Variants in OR10G7 observed in about 807,000 individuals in gnomAD.
The protein encoded by OR10G7 is olfactory receptor 10G7.
For synonymous variants in OR10G7, 165 were observed against 167.4 expected (o/e 0.99, Z 0.11); for missense variants, 338 against 382.1 (o/e 0.88, Z 0.96).
At chr11:124,039,723 G>T (rs980206143) in intron 1 of OR10G7, among the ~76,000 whole-genome samples, 1 of 152,068 alleles carries the variant, frequency 6.6e-6, no homozygotes, top group South Asian at 2.1e-4. Context: ...GAACCAGTCC[G>T]CACAGCAGGA....
Position 124,038,646 on chromosome 11 carries a change from T to C in OR10G7, c.356A>G (p.Tyr119Cys), listed in dbSNP as rs574690113. 3.8e-5 allele frequency: 62 copies of C among 1,613,826 alleles called. No individual in the cohort carries two copies. Among genetic ancestry groups the C allele is most frequent in the Middle Eastern group, 1.6e-4 (1 of 6,062 alleles). ...GTAACTGATGGCCAGGTAGCGATCA[T>C]AGGACATGACTGTGTAGAGGAAACA... ...TECFLYTVMSYDRYLAISYPL... is the reference protein window; with the variant it reads ...TECFLYTVMSCDRYLAISYPL... The change falls in exon 2 of 2, where the codon TAT becomes TGT. Residue 119 changes from tyrosine (Y) to cysteine (C), a missense_variant. Coordinates refer to ENST00000641585, the MANE Select transcript of OR10G7 (RefSeq NM_001004463.2).
Position 124,037,148 on chromosome 11 carries a change from CA to C in OR10G7, c.*917del, listed in dbSNP as rs1271923259. 6.6e-6 allele frequency: 1 copy of C among 152,122 alleles called. No individual in the cohort carries two copies. Among genetic ancestry groups the C allele is most frequent in the African/African-American group, 2.4e-5 (1 of 41,428 alleles). 9.4% of individuals were successfully genotyped at this position (152,122 alleles called of 1,614,324 possible). The stretch of plus-strand genomic sequence containing the variant: ...GAGCCTTACCTACCCAGAGAGTGTA[CA>C]GAGTCCATTTCATATACTTTAAGTC... On this transcript the variant is annotated 3_prime_UTR_variant, in exon 2 of 2. Coordinates refer to ENST00000641585, the MANE Select transcript of OR10G7 (RefSeq NM_001004463.2).
In OR10G7 at chr11:124,036,141, A is replaced by G. The variant is rs1042579842; in HGVS notation, c.*1925T>C. 1.3e-5 allele frequency: 2 copies of G among 152,184 alleles called. No individual in the cohort carries two copies. Among genetic ancestry groups the G allele is most frequent in the African/African-American group, 2.4e-5 (1 of 41,456 alleles). 9.4% of individuals were successfully genotyped at this position (152,184 alleles called of 1,614,324 possible). A position where few individuals can be genotyped will look rare whatever the true frequency, so the allele number is the denominator to read the frequency against. The stretch of plus-strand genomic sequence containing the variant: ...ATCCCAGTTGTGATATTGCACTACA[A>G]TTTTGCTAACTGTTACCATTGGGGG... On this transcript the variant is annotated 3_prime_UTR_variant, in exon 2 of 2. Transcript: ENST00000641585.
At position 124,039,837 on chromosome 11, in the gene OR10G7, A is replaced by G. The variant is rs528034441; in HGVS notation, c.-20-816T>C. ...GAGTGGGAACCCTATTGTGAACCGC[A>G]CATGCGAGGAATCTAGGTTGTGTGG... On this transcript the variant is annotated intron_variant, in intron 1 of 1. Transcript: ENST00000641585. Among the ~76,000 whole-genome samples, 97 of 152,260 alleles carry G rather than the reference A, an allele frequency of 6.4e-4. 1 individual carries two copies. The highest frequency in any genetic ancestry group is 2.0e-3 in the African/African-American group (81 of 41,498).
Position 124,037,821 on chromosome 11 carries a change from T to C in OR10G7, c.*245A>G, listed in dbSNP as rs1218342924. The C allele has an allele frequency of 3.0e-5, 8 of 266,156 alleles. No individual in the cohort carries two copies. Among genetic ancestry groups the C allele is most frequent in the Middle Eastern group, 1.2e-3 (1 of 848 alleles). 16.5% of individuals were successfully genotyped at this position (266,156 alleles called of 1,614,324 possible). A position where few individuals can be genotyped will look rare whatever the true frequency, so the allele number is the denominator to read the frequency against. ...ATAAGAAAATAAATTACTTTTCTGA[T>C]TACTTAATGGAACGTGAAAAGAATA... On this transcript the variant is annotated 3_prime_UTR_variant, in exon 2 of 2. Coordinates refer to ENST00000641585, the MANE Select transcript of OR10G7 (RefSeq NM_001004463.2).
chr11:124,038,211 C>G lies in OR10G7; in HGVS notation c.791G>C (p.Arg264Thr). 11 of 1,614,082 alleles carry G rather than the reference C, an allele frequency of 6.8e-6. No homozygotes were observed. Among genetic ancestry groups the G allele is most frequent in the Non-Finnish European group, 9.3e-6 (11 of 1,180,024 alleles). Residue 264 changes from arginine to threonine, a missense_variant, in exon 2 of 2, where the codon AGG becomes ACG. Coordinates refer to ENST00000641585, the MANE Select transcript of OR10G7 (RefSeq NM_001004463.2). ...GGCCACAACCCCATGCAAGGCGTCCCTGGAGCCTGGCCTCAGGTAAATGAA... is the reference window on the plus strand; with the variant it reads ...GGCCACAACCCCATGCAAGGCGTCCGTGGAGCCTGGCCTCAGGTAAATGAA... ...GLFIYLRPGS[R>T]DALHGVVAVF...
rs199551954 is a variant in OR10G7 at position 124,038,349 on chromosome 11, A to C, written c.653T>G (p.Val218Gly). 1 of 1,614,158 alleles carries C rather than the reference A, an allele frequency of 6.2e-7. No homozygotes were observed. Among genetic ancestry groups the C allele is most frequent in the East Asian group, 2.2e-5 (1 of 44,890 alleles). Residue 218 changes from valine (V) to glycine (G), a missense_variant, in exon 2 of 2, where the codon GTG (valine) becomes GGG (glycine). Transcript: ENST00000641585. ...GCFVLIVLSY[V>G]SIVCSILRIR... ...CCGCAGGATGGAACAGACGATGGAC[A>C]CATAGGACAGCACTATCAGGACAAA...
chr11:124,041,202 A>G lies in OR10G7; in HGVS notation c.-337T>C, dbSNP rs1216801313. 5.3e-5 allele frequency: 8 copies of G among 152,158 alleles called. No homozygotes were observed. Among genetic ancestry groups the G allele is most frequent in the Admixed American group, 5.2e-4 (8 of 15,280 alleles). 9.4% of individuals were successfully genotyped at this position (152,158 alleles called of 1,614,324 possible). A position where few individuals can be genotyped will look rare whatever the true frequency, so the allele number is the denominator to read the frequency against. ...TTATTTAGCCAAAAATCAACTTCCAAAATGAATAACTATGACACTCTGGAT... is the reference window on the plus strand; with the variant it reads ...TTATTTAGCCAAAAATCAACTTCCAGAATGAATAACTATGACACTCTGGAT... On this transcript the variant is annotated 5_prime_UTR_variant, in exon 1 of 2. Coordinates refer to ENST00000641585, the MANE Select transcript of OR10G7 (RefSeq NM_001004463.2).
At position 124,038,684 on chromosome 11, in the gene OR10G7, C is replaced by T. The variant is rs983002588; in HGVS notation, c.318G>A (p.Leu106=). The T allele has an allele frequency of 4.3e-6, 7 of 1,613,752 alleles. No individual in the cohort carries two copies. Among genetic ancestry groups the T allele is most frequent in the East Asian group, 2.2e-5 (1 of 44,860 alleles). Reference sequence around the variant, plus strand: ...TGTAGAGGAAACACTCGGTGCTCCCCAGGAAGTGGAAAAAATAGAGCTGAG... The same window carrying T: ...TGTAGAGGAAACACTCGGTGCTCCCTAGGAAGTGGAAAAAATAGAGCTGAG... ...CVAQLYFFHF[L]GSTECFLYTV... The change falls in exon 2 of 2, where the codon CTG becomes CTA. Residue 106 remains leucine, a synonymous_variant. Coordinates refer to ENST00000641585, the MANE Select transcript of OR10G7 (RefSeq NM_001004463.2).
rs1864201440 is a variant in OR10G7 at position 124,037,530 on chromosome 11, T to A, written c.*536A>T. On this transcript the variant is annotated 3_prime_UTR_variant, in exon 2 of 2. Transcript: ENST00000641585. ...CTTTCAGGCCAAAGTAAGAAAAAAATATTAAAGAGTTATATGGTTTTTATT... is the reference window on the plus strand; with the variant it reads ...CTTTCAGGCCAAAGTAAGAAAAAAAAATTAAAGAGTTATATGGTTTTTATT... The A allele has an allele frequency of 6.6e-6, 1 of 152,026 alleles. No homozygotes were observed. Among genetic ancestry groups the A allele is most frequent in the Admixed American group, 6.5e-5 (1 of 15,276 alleles). The allele number at this position is 152,026 out of a possible 1,614,324, so 9.4% of individuals were successfully genotyped here.
intron 1 of OR10G7, among the ~76,000 whole-genome samples, chr11:124,040,518 A>G (rs1393297554): frequency 6.6e-6 from 1 of 152,116 alleles, no homozygotes; most frequent in East Asian, 1.9e-4. Context: ...GAAGCATTTC[A>G]TTATTAATTT....
At position 124,038,661 on chromosome 11, in the gene OR10G7, T is replaced by C. The variant is rs1327913658; in HGVS notation, c.341A>G (p.Tyr114Cys). 1.2e-6 allele frequency: 2 copies of C among 1,613,646 alleles called. No individual in the cohort carries two copies. The highest frequency in any genetic ancestry group is 1.7e-6 in the Non-Finnish European group (2 of 1,179,966). Residue 114 changes from tyrosine to cysteine, a missense_variant, in exon 2 of 2, where the codon TAC (tyrosine) becomes TGC (cysteine). Physicochemically the swap from Tyr to Cys is radical, Grantham distance 194 (BLOSUM62 -2). Coordinates refer to ENST00000641585, the MANE Select transcript of OR10G7 (RefSeq NM_001004463.2). ...HFLGSTECFL[Y>C]TVMSYDRYLA... ...GTAGCGATCATAGGACATGACTGTG[T>C]AGAGGAAACACTCGGTGCTCCCCAG...
In OR10G7 at chr11:124,038,419, C is replaced by T. The variant is rs774256000; in HGVS notation, c.583G>A (p.Glu195Lys). 4 of 1,613,994 alleles carry T rather than the reference C, an allele frequency of 2.5e-6. No individual in the cohort carries two copies. Among genetic ancestry groups the T allele is most frequent in the African/African-American group, 1.3e-5 (1 of 74,986 alleles). Reference protein sequence around the residue: ...KLACADTSANEMVIFVNIGLV... With the variant: ...KLACADTSANKMVIFVNIGLV... ...CCAATATTCACAAAGATGACCATCT[C>T]GTTGGCTGAGGTGTCTGCACAGGCC... Residue 195 changes from glutamate (E) to lysine (K), a missense_variant, in exon 2 of 2, where the codon GAG becomes AAG. Transcript: ENST00000641585.
chr11:124,039,059 T>A, intron 1 of OR10G7, 38 bp from the exon 2 acceptor site: 1 of 1,535,332 alleles, frequency 6.5e-7, no homozygotes, highest in East Asian at 2.3e-5. Context: ...GCATTTACTG[T>A]GAGCATGTTT....
Position 124,037,941 on chromosome 11 carries a change from A to T in OR10G7, c.*125T>A. 1 of 648,802 alleles carries T rather than the reference A, an allele frequency of 1.5e-6. No individual in the cohort carries two copies. The highest frequency in any genetic ancestry group is 2.5e-6 in the Non-Finnish European group (1 of 406,884). 40.2% of individuals were successfully genotyped at this position (648,802 alleles called of 1,614,324 possible). On this transcript the variant is annotated 3_prime_UTR_variant, in exon 2 of 2. Coordinates refer to ENST00000641585, the MANE Select transcript of OR10G7 (RefSeq NM_001004463.2). ...TGCAGAAAAAAATGAAAAATTAATT[A>T]ACTGTCCAATTAAAAATTAAGACTG...
rs747619519 is a variant in OR10G7, at chr11:124,038,457, G to A, written c.545C>T (p.Pro182Leu). ...GTCTGCACAGGCCAGTTTCAGGATGGGCGGTGCGTCACAGAAGTAGTGCTG... is the reference window on the plus strand; with the variant it reads ...GTCTGCACAGGCCAGTTTCAGGATGAGCGGTGCGTCACAGAAGTAGTGCTG... ...QIQHYFCDAPPILKLACADTS... is the reference protein window; with the variant it reads ...QIQHYFCDAPLILKLACADTS... The change falls in exon 2 of 2, where the codon CCC (proline) becomes CTC (leucine). Residue 182 changes from proline to leucine, a missense_variant. By Grantham distance (98) the Pro-to-Leu change is moderately conservative (BLOSUM62 -3). Coordinates refer to ENST00000641585, the MANE Select transcript of OR10G7 (RefSeq NM_001004463.2). 2 of 1,613,838 alleles carry A rather than the reference G, an allele frequency of 1.2e-6. No individual in the cohort carries two copies. The highest frequency in any genetic ancestry group is 2.2e-5 in the East Asian group (1 of 44,882).
rs1234073368 is a variant in OR10G7, at chr11:124,038,942, C to T, written c.60G>A (p.Gly20=). The part of the protein sequence containing the change: ...FILTGLPHAP[G]LDAPLFGIFL... Reference sequence around the variant, plus strand: ...AGATTCCAAAGAGGGGGGCGTCCAGCCCTGGGGCATGGGGAAGGCCCGTGA... The same window carrying T: ...AGATTCCAAAGAGGGGGGCGTCCAGTCCTGGGGCATGGGGAAGGCCCGTGA... Residue 20 remains glycine, a synonymous_variant, in exon 2 of 2, where the codon GGG becomes GGA. Transcript: ENST00000641585. 15 of 1,612,318 alleles carry T rather than the reference C, an allele frequency of 9.3e-6. No homozygotes were observed. Among genetic ancestry groups the T allele is most frequent in the Non-Finnish European group, 1.2e-5 (14 of 1,178,932 alleles).
chr11:124,037,669 T>C lies in OR10G7; in HGVS notation c.*397A>G, dbSNP rs571578288. On this transcript the variant is annotated 3_prime_UTR_variant, in exon 2 of 2. Transcript: ENST00000641585. ...ATTAAATTATGTAGTTATTTATGAA[T>C]GCTATAATGAATTTTTCAATATAGA... 2 of 152,494 alleles carry C rather than the reference T, an allele frequency of 1.3e-5. No homozygotes were observed. Among genetic ancestry groups the C allele is most frequent in the South Asian group, 4.1e-4 (2 of 4,828 alleles). 9.4% of individuals were successfully genotyped at this position (152,494 alleles called of 1,614,324 possible).
chr11:124,037,730 G>A lies in OR10G7; in HGVS notation c.*336C>T. On this transcript the variant is annotated 3_prime_UTR_variant, in exon 2 of 2. Transcript: ENST00000641585. ...CATGAAAAGATTTTTATAAGGCTTT[G>A]ACTTAAATGACACAAAATAAACTGT... 6.4e-6 allele frequency: 1 copy of A among 155,922 alleles called. No homozygotes were observed. The highest frequency in any genetic ancestry group is 1.9e-4 in the East Asian group (1 of 5,368). 9.7% of individuals were successfully genotyped at this position (155,922 alleles called of 1,614,324 possible). A position where few individuals can be genotyped will look rare whatever the true frequency, so the allele number is the denominator to read the frequency against.
Sources: gnomAD v4.1 joint callset for allele counts (sites outside exome capture counted in the v4.1 genomes callset) on GRCh38, gnomAD v4.1.1 for gene constraint, MANE v1.5 for transcripts, NCBI Gene and HGNC (gene_info 2026-07-23, HGNC 2026-07-21) for gene names.